Variants in PSMB4 observed in about 807,000 individuals in gnomAD.
The protein encoded by PSMB4 is proteasome subunit beta type-4.
Under a neutral mutation model 35.2 loss-of-function variants are expected in PSMB4, and 16 were observed. The ratio of observed to expected loss-of-function variants is 0.45; its 90% CI spans 0.31 to 0.69. The LOEUF (loss-of-function observed/expected upper bound fraction) is 0.69, where lower values mean the gene tolerates loss of function less well. PSMB4 is among the 30% of genes least tolerant of loss of function. PSMB4 has a pLI of 0.06. For missense variants in PSMB4, 333 were observed against 351.8 expected (o/e 0.95, Z 0.43); for synonymous variants, 144 against 134.1 (o/e 1.07, Z -0.51).
rs889103767 is a variant in PSMB4 at position 151,399,975 on chromosome 1, C to G, written c.141-6C>G. On this transcript the variant is annotated splice_region_variant and splice_polypyrimidine_tract_variant and intron_variant, in intron 1 of 6. Coordinates refer to ENST00000290541, the MANE Select transcript of PSMB4 (RefSeq NM_002796.3). ...CCTCTCAGCTCCCACCGTTCTCACT[C>G]TTTAGGAACCCCATGGTGACCGGGA... is the stretch of plus-strand genomic sequence containing the variant. 5.6e-6 allele frequency: 9 copies of G among 1,613,448 alleles called. No homozygotes were observed. Among genetic ancestry groups the G allele is most frequent in the Non-Finnish European group, 7.6e-6 (9 of 1,179,814 alleles).
chr1:151,401,208 TC>T, intron 4 of PSMB4, 30 bp from the exon 5 acceptor site: 1 of 1,549,046 alleles, frequency 6.5e-7, no homozygotes, highest in Non-Finnish European at 8.9e-7. Flanking sequence ...CAGCCCAATA[TC>T]CCCCCATGGT....
At position 151,400,747 on chromosome 1, in the gene PSMB4, C is replaced by T; in HGVS notation, c.495-17C>T. 1 of 1,613,774 alleles carries T rather than the reference C, an allele frequency of 6.2e-7. No homozygotes were observed. The highest frequency in any genetic ancestry group is 1.1e-5 in the South Asian group (1 of 91,074). ...AATCTAAGGTGAAATGAGTTTTGAC[C>T]CATTGTGTCCTGTTAGCTTCCTCGG... On this transcript the variant is annotated splice_polypyrimidine_tract_variant and intron_variant, in intron 3 of 6. Transcript: ENST00000290541.
rs1370187294 is a variant in PSMB4, at chr1:151,400,795, G to C, written c.526G>C (p.Ala176Pro). The C allele has an allele frequency of 6.2e-7, 1 of 1,614,186 alleles. No individual in the cohort carries two copies. The highest frequency in any genetic ancestry group is 1.7e-5 in the Admixed American group (1 of 60,028). ...FLGYVDMLGV[A>P]YEAPSLATGY... ...CGGTTATGTGGACATGCTTGGTGTA[G>C]CCTATGAAGCCCCTTCGCTGGCCAC... The change falls in exon 4 of 7, where the codon GCC becomes CCC. Residue 176 changes from alanine to proline, a missense_variant. Transcript: ENST00000290541.
At position 151,400,853 on chromosome 1, in the gene PSMB4, G is replaced by A. The variant is rs1246043756; in HGVS notation, c.576+8G>A. On this transcript the variant is annotated splice_region_variant and intron_variant, in intron 4 of 6. Coordinates refer to ENST00000290541, the MANE Select transcript of PSMB4 (RefSeq NM_002796.3). Reference sequence around the variant, plus strand: ...GGTGCATACTTGGCTCAGGTAAGTAGTAAGTCTAGAGGTGGGGGAAAGGGA... The same window carrying A: ...GGTGCATACTTGGCTCAGGTAAGTAATAAGTCTAGAGGTGGGGGAAAGGGA... The A allele has an allele frequency of 6.2e-7, 1 of 1,611,074 alleles. No homozygotes were observed.
chr1:151,400,525 G>A lies in PSMB4; in HGVS notation c.431G>A (p.Arg144Gln), dbSNP rs140771260. The part of the protein sequence containing the change: ...HSWLTRAMYS[R>Q]RSKMNPLWNT... ...TGGCTGACCAGGGCCATGTACAGCC[G>A]GCGCTCGAAGATGAACCCTTTGTGG... Residue 144 changes from arginine (R) to glutamine (Q), a missense_variant, in exon 3 of 7, where the codon CGG becomes CAG. Physicochemically the swap from Arg to Gln is conservative, Grantham distance 43. Coordinates refer to ENST00000290541, the MANE Select transcript of PSMB4 (RefSeq NM_002796.3). 1.2e-6 allele frequency: 2 copies of A among 1,614,106 alleles called. No individual in the cohort carries two copies. The highest frequency in any genetic ancestry group is 1.3e-5 in the African/African-American group (1 of 75,036).
At chr1:151,401,391 T>G in intron 5 of PSMB4, 36 bp downstream of exon 5, 3 of 1,598,758 alleles carry the variant, frequency 1.9e-6, no homozygotes, top group Non-Finnish European at 2.6e-6. Flanking sequence ...TGGCGGGCTC[T>G]GGCTACTTGC....
At chr1:151,400,276 G>A in intron 2 of PSMB4, 89 bp downstream of exon 2, 1 of 1,493,888 alleles carries the variant, frequency 6.7e-7, no homozygotes, top group Non-Finnish European at 9.3e-7. Context: ...GGGGGGACTT[G>A]TTGCAGCGGG....
At position 151,399,709 on chromosome 1, in the gene PSMB4, G is replaced by T. The variant is rs113331137; in HGVS notation, c.122G>T (p.Gly41Val). The T allele has an allele frequency of 7.4e-6, 12 of 1,613,950 alleles. No individual in the cohort carries two copies. The highest frequency in any genetic ancestry group is 1.3e-5 in the African/African-American group (1 of 74,902). Residue 41 changes from glycine to valine, a missense_variant, in exon 1 of 7, where the codon GGT (glycine) becomes GTT (valine). Gly to Val is a moderately radical substitution (Grantham distance 109). Transcript: ENST00000290541. The stretch of plus-strand genomic sequence containing the variant: ...GATCCGGCGTCTGCACTTTACAGAG[G>T]TCCAATCACGCGGACCCAGTAAGTT... ...FMDPASALYR[G>V]PITRTQNPMV...
chr1:151,400,223 G>A, intron 2 of PSMB4, 36 bp downstream of exon 2: 1 of 1,599,062 alleles, frequency 6.3e-7, no homozygotes, highest in Non-Finnish European at 8.6e-7. Context: ...TGGTTCCCAA[G>A]TAGAGAGGGG....
At position 151,401,244 on chromosome 1, in the gene PSMB4, G is replaced by A. The variant is rs1408957796; in HGVS notation, c.582G>A (p.Leu194=). Reference sequence around the variant, plus strand: ...TTTTCCCCCAATCTCCCTAGCCTCTGCTGCGAGAAGTTCTGGAGAAGCAGC... The same window carrying A: ...TTTTCCCCCAATCTCCCTAGCCTCTACTGCGAGAAGTTCTGGAGAAGCAGC... ...TGYGAYLAQP[L]LREVLEKQPV... The change falls in exon 5 of 7, where the codon CTG becomes CTA. Residue 194 remains leucine (L), a synonymous_variant. Coordinates refer to ENST00000290541, the MANE Select transcript of PSMB4 (RefSeq NM_002796.3). 1.2e-6 allele frequency: 2 copies of A among 1,613,868 alleles called. No homozygotes were observed. The highest frequency in any genetic ancestry group is 2.2e-5 in the East Asian group (1 of 44,900).
chr1:151,401,583 G>A lies in PSMB4; in HGVS notation c.735G>A (p.Glu245=). The part of the protein sequence containing the change: ...ATVTEKGVEI[E]GPLSTETNWD... The stretch of plus-strand genomic sequence containing the variant: ...TCACCGAAAAAGGTGTTGAAATAGA[G>A]GGACCATTGTCTACAGAGACCAACT... Residue 245 remains glutamate, a synonymous_variant, in exon 6 of 7, where the codon GAG becomes GAA. Transcript: ENST00000290541. 1 of 1,613,110 alleles carries A rather than the reference G, an allele frequency of 6.2e-7. No individual in the cohort carries two copies. The highest frequency in any genetic ancestry group is 8.5e-7 in the Non-Finnish European group (1 of 1,179,032).
At position 151,399,930 on chromosome 1, in the gene PSMB4, A is replaced by G. The variant is rs372450962; in HGVS notation, c.141-51A>G. On this transcript the variant is annotated intron_variant, in intron 1 of 6. Transcript: ENST00000290541. The stretch of plus-strand genomic sequence containing the variant: ...CAGAAGCGCAGCTCAGTGCGCGGAA[A>G]GAGGGCGCAGTCCATCCCCCCTCTC... The G allele has an allele frequency of 2.0e-4, 312 of 1,572,446 alleles. 3 individuals carry two copies. In the South Asian group the frequency reaches 3.3e-3, roughly 16 times the overall value.
chr1:151,401,765 G>A, intron 6 of PSMB4, 52 bp from the exon 7 acceptor site: 2 of 1,584,288 alleles, frequency 1.3e-6, no homozygotes, highest in South Asian at 2.2e-5. Context: ...CTATTTTTAG[G>A]AATTGATCCC....
At chr1:151,400,867 G>A (rs1053474476) in intron 4 of PSMB4, 22 bp downstream of exon 4, 1 of 1,597,662 alleles carries the variant, frequency 6.3e-7, no homozygotes, top group Non-Finnish European at 8.6e-7. Flanking sequence ...GTCTAGAGGT[G>A]GGGGAAAGGG....
chr1:151,399,889 A>C, intron 1 of PSMB4, 92 bp from the exon 2 acceptor site: 1 of 1,538,618 alleles, frequency 6.5e-7, no homozygotes, highest in Non-Finnish European at 8.9e-7. Flanking sequence ...AATAATTGGA[A>C]GGAATTATAG....
In PSMB4 at chr1:151,401,643, G is replaced by A. The variant is rs779913361; in HGVS notation, c.782+13G>A. On this transcript the variant is annotated intron_variant, in intron 6 of 6. Coordinates refer to ENST00000290541, the MANE Select transcript of PSMB4 (RefSeq NM_002796.3). ...CCCACATGATCAGGTGAGTAATAGG[G>A]AAAAAATTGGTGACAGACTTGGGAG... is the stretch of plus-strand genomic sequence containing the variant. The A allele has an allele frequency of 6.3e-6, 10 of 1,588,790 alleles. No individual in the cohort carries two copies. Among genetic ancestry groups the A allele is most frequent in the Non-Finnish European group, 8.6e-6 (10 of 1,157,310 alleles).
chr1:151,400,409 C>A (rs1417594902), intron 2 of PSMB4, 33 bp from the exon 3 acceptor site: 4 of 1,605,232 alleles, frequency 2.5e-6, no homozygotes, highest in African/African-American at 1.3e-5. Context: ...CGACTTAATT[C>A]TCTCCCTTTT....
intron 5 of PSMB4, 87 bp from the exon 6 acceptor site, chr1:151,401,455 T>G: frequency 6.6e-7 from 1 of 1,517,660 alleles, no homozygotes; most frequent in South Asian, 1.1e-5. Context: ...GTGTGACTCC[T>G]ATTTTCACAT....
rs1316186673 is a variant in PSMB4 at position 151,401,229 on chromosome 1, A to G, written c.577-10A>G. 2 of 1,611,780 alleles carry G rather than the reference A, an allele frequency of 1.2e-6. No homozygotes were observed. Among genetic ancestry groups the G allele is most frequent in the Non-Finnish European group, 1.7e-6 (2 of 1,178,102 alleles). ...AATATCCCCCCATGGTTTTCCCCCA[A>G]TCTCCCTAGCCTCTGCTGCGAGAAG... On this transcript the variant is annotated splice_polypyrimidine_tract_variant and intron_variant, in intron 4 of 6. Transcript: ENST00000290541.
Sources: gnomAD v4.1 joint callset for allele counts on GRCh38, gnomAD v4.1.1 for gene constraint, MANE v1.5 for transcripts, NCBI Gene and HGNC (gene_info 2026-07-23, HGNC 2026-07-21) for gene names.